LRRC3C: variants seen among roughly 807,000 people sequenced by gnomAD.
LRRC3C encodes leucine-rich repeat-containing protein 3C.
A neutral mutation model predicts 14.8 loss-of-function variants in LRRC3C; 11 were observed. That is an observed-to-expected ratio of 0.74 (90% CI 0.47 to 1.23). LRRC3C has a LOEUF of 1.23. Ranked by LOEUF, LRRC3C falls within the 50% of genes most tolerant of loss-of-function variation. The probability of loss-of-function intolerance (pLI) is 0.00; values close to 1 mark genes in which losing one functional copy is unlikely to be tolerated. For missense variants in LRRC3C, 354 were observed against 361.8 expected (o/e 0.98, Z 0.18); for synonymous variants, 149 against 161.5 (o/e 0.92, Z 0.59).
chr17:39,931,660 T>G (rs1183216161), intron 1 of LRRC3C, among the ~76,000 whole-genome samples: 2 of 144,126 alleles, frequency 1.4e-5, no homozygotes, highest in African/African-American at 5.1e-5. Flanking sequence ...TTTTTTTTTT[T>G]TTTTTTTGAG....
At chr17:39,943,161 C>G (rs1978982680) in intron 3 of LRRC3C, among the ~76,000 whole-genome samples, 1 of 152,202 alleles carries the variant, frequency 6.6e-6, no homozygotes, top group African/African-American at 2.4e-5. Context: ...AAACCCAACA[C>G]TCTTGGGTCC....
Position 39,944,654 on chromosome 17 carries a change from G to A in LRRC3C, c.748G>A (p.Glu250Lys). 1 of 1,536,018 alleles carries A rather than the reference G, an allele frequency of 6.5e-7. No homozygotes were observed. Among genetic ancestry groups the A allele is most frequent in the Non-Finnish European group, 8.7e-7 (1 of 1,146,898 alleles). The change falls in exon 4 of 4, where the codon GAG (glutamate) becomes AAG (lysine). Residue 250 changes from glutamate (E) to lysine (K), a missense_variant. Coordinates refer to ENST00000377924, the MANE Select transcript of LRRC3C (RefSeq NM_001195545.2). ...LVHYVWQNRD[E>K]TRRSLKRAPV... ...GCATTATGTGTGGCAGAACCGAGAT[G>A]AGACCAGGCGCTCCCTCAAGCGGGC...
At chr17:39,938,749 G>A (rs898964545) in intron 2 of LRRC3C, among the ~76,000 whole-genome samples, 1 of 152,098 alleles carries the variant, frequency 6.6e-6, no homozygotes, top group Non-Finnish European at 1.5e-5. Flanking sequence ...ACTTTCAGAG[G>A]CCAAGGAAGG....
chr17:39,943,300 A>G (rs892026067), intron 3 of LRRC3C, among the ~76,000 whole-genome samples: 2 of 152,014 alleles, frequency 1.3e-5, no homozygotes, highest in African/African-American at 4.8e-5. Context: ...TCTGCCACCA[A>G]CAGGGGTGAG....
At chr17:39,941,217 G>A (rs1401499541) in intron 2 of LRRC3C, among the ~76,000 whole-genome samples, 4 of 151,822 alleles carry the variant, frequency 2.6e-5, no homozygotes, top group Non-Finnish European at 5.9e-5. Flanking sequence ...GGGTTTGGTC[G>A]GCAGGCACCT....
rs549998016 is a variant in LRRC3C at position 39,944,338 on chromosome 17, C to T, written c.432C>T (p.Pro144=). Residue 144 remains proline, a synonymous_variant, in exon 4 of 4, where the codon CCC becomes CCT. Transcript: ENST00000377924. ...DLSANQLASV[P]VEAFVGLQIQ... is the part of the protein sequence containing the mutation. ...CTGCCAACCAGCTGGCCTCAGTGCC[C>T]GTGGAGGCCTTTGTGGGGCTACAGA... The T allele has an allele frequency of 2.9e-5, 45 of 1,535,342 alleles. No homozygotes were observed. The South Asian group carries it at 3.8e-4, about 13-fold the overall frequency.
At chr17:39,935,917 C>A (rs1978783266) in intron 2 of LRRC3C, 23 bp downstream of exon 2, 1 of 968,084 alleles carries the variant, frequency 1.0e-6, no homozygotes, top group African/African-American at 1.8e-5. Flanking sequence ...TATCTATCTT[C>A]TCTATCTATC....
Position 39,927,769 on chromosome 17 carries a change from G to T in LRRC3C, c.-220G>T, listed in dbSNP as rs1002902347. The T allele has an allele frequency of 3.0e-6, 3 of 985,376 alleles. No individual in the cohort carries two copies. In the African/African-American group the frequency reaches 5.2e-5, roughly 17 times the overall value. The allele number at this position is 985,376 out of a possible 1,614,324, so 61.0% of individuals were successfully genotyped here. On this transcript the variant is annotated 5_prime_UTR_variant, in exon 1 of 4. Coordinates refer to ENST00000377924, the MANE Select transcript of LRRC3C (RefSeq NM_001195545.2). ...CGGCCTCTTCGGGGACGCACGGTTG[G>T]AAGTTGTACCGTGACGTGATGGTCA...
chr17:39,944,470 C>T lies in LRRC3C; in HGVS notation c.564C>T (p.Gly188=), dbSNP rs896101329. Reference sequence around the variant, plus strand: ...GCACTGGGACAGGCATCGTGTGTGGCTCAGGAGCCCGACCGGACCTCGTGG... The same window carrying T: ...GCACTGGGACAGGCATCGTGTGTGGTTCAGGAGCCCGACCGGACCTCGTGG... ...VPGTGTGIVC[G]SGARPDLVGQ... is the part of the protein sequence containing the mutation. The change falls in exon 4 of 4, where the codon GGC becomes GGT. Residue 188 remains glycine (G), a synonymous_variant. Coordinates refer to ENST00000377924, the MANE Select transcript of LRRC3C (RefSeq NM_001195545.2). The T allele has an allele frequency of 6.7e-6, 10 of 1,487,152 alleles. No individual in the cohort carries two copies. The highest frequency in any genetic ancestry group is 8.0e-6 in the Non-Finnish European group (9 of 1,120,614). The allele number at this position is 1,487,152 out of a possible 1,614,324, so 92.1% of individuals were successfully genotyped here.
chr17:39,941,641 C>A, intron 3 of LRRC3C, 92 bp downstream of exon 3: 1 of 1,123,360 alleles, frequency 8.9e-7, no homozygotes. Context: ...AGGTTCCGTA[C>A]AATACAATAC....
chr17:39,931,517 TAC>T (rs1228204075), intron 1 of LRRC3C, among the ~76,000 whole-genome samples: 1 of 150,924 alleles, frequency 6.6e-6, no homozygotes, highest in African/African-American at 2.4e-5. Context: ...GATGAAATGA[TAC>T]AGTGATTGCA....
At chr17:39,935,014 G>A (rs984042488) in intron 1 of LRRC3C, among the ~76,000 whole-genome samples, 3 of 152,120 alleles carry the variant, frequency 2.0e-5, no homozygotes, top group Non-Finnish European at 4.4e-5. Context: ...ATGGGTTTTG[G>A]CCAGCTCCTT....
At chr17:39,934,224 G>A (rs1978736131) in intron 1 of LRRC3C, among the ~76,000 whole-genome samples, 1 of 152,158 alleles carries the variant, frequency 6.6e-6, no homozygotes, top group Non-Finnish European at 1.5e-5. Context: ...AGTGCAGGGA[G>A]GTACCTTAGG....
Position 39,927,824 on chromosome 17 carries a change from A to G in LRRC3C, c.-175+10A>G, listed in dbSNP as rs1174136516. On this transcript the variant is annotated intron_variant, in intron 1 of 3. Coordinates refer to ENST00000377924, the MANE Select transcript of LRRC3C (RefSeq NM_001195545.2). ...GGATGATAGAATTTTGGTGCGTAAC[A>G]ATTCCAACTTTTGCTTCTGTGCCCT... The G allele has an allele frequency of 5.8e-5, 57 of 985,392 alleles. No homozygotes were observed. Among genetic ancestry groups the G allele is most frequent in the Middle Eastern group, 5.2e-4 (1 of 1,938 alleles). 61.0% of individuals were successfully genotyped at this position (985,392 alleles called of 1,614,324 possible).
intron 1 of LRRC3C, among the ~76,000 whole-genome samples, chr17:39,928,326 A>G (rs1978546390): frequency 6.6e-6 from 1 of 152,252 alleles, no homozygotes; most frequent in Non-Finnish European, 1.5e-5. Flanking sequence ...TCACATCTGC[A>G]TCGTCTAAAG....
At chr17:39,933,420 C>G (rs1245217179) in intron 1 of LRRC3C, among the ~76,000 whole-genome samples, 1 of 152,036 alleles carries the variant, frequency 6.6e-6, no homozygotes, top group African/African-American at 2.4e-5. Context: ...TGTTCAGAAG[C>G]TGGGAGAAGG....
chr17:39,944,885 G>A lies in LRRC3C; in HGVS notation c.*151G>A, dbSNP rs1979049975. 1 of 684,630 alleles carries A rather than the reference G, an allele frequency of 1.5e-6. No homozygotes were observed. The highest frequency in any genetic ancestry group is 2.4e-6 in the Non-Finnish European group (1 of 414,736). The allele number at this position is 684,630 out of a possible 1,614,324, so 42.4% of individuals were successfully genotyped here. On this transcript the variant is annotated 3_prime_UTR_variant, in exon 4 of 4. Coordinates refer to ENST00000377924, the MANE Select transcript of LRRC3C (RefSeq NM_001195545.2). ...TTTATTCCCCCTAAATACCTGTGCT[G>A]GTTCTCTCTCTCTCTCTCTGTGTCG...
At chr17:39,931,445 C>CAAAAA (rs58318948) in intron 1 of LRRC3C, among the ~76,000 whole-genome samples, 1 of 74,946 alleles carries the variant, frequency 1.3e-5, no homozygotes, top group African/African-American at 5.2e-5. Flanking sequence ...GACTTCGTCT[C>CAAAAA]AAAAAAAAAA....
chr17:39,933,601 C>T (rs542994136), intron 1 of LRRC3C, among the ~76,000 whole-genome samples: 8 of 152,012 alleles, frequency 5.3e-5, no homozygotes, highest in Non-Finnish European at 8.8e-5. Flanking sequence ...GGCGTGGTGG[C>T]GGGCGCCTGT....
Sources: allele counts gnomAD v4.1 joint callset (sites outside exome capture counted in the v4.1 genomes callset), GRCh38; gene constraint gnomAD v4.1.1; transcripts MANE v1.5; gene names NCBI Gene and HGNC (gene_info 2026-07-23, HGNC 2026-07-21).